The following TMEM232 variants were observed in gnomAD, a reference collection of about 807,000 sequenced individuals.
The protein encoded by TMEM232 is transmembrane protein 232.
In TMEM232, 80 loss-of-function variants were observed where a neutral mutation model predicts 78.8. The observed-to-expected ratio is 1.01, with a 90% CI of 0.85 to 1.22. TMEM232 has a LOEUF of 1.22. TMEM232 is among the 50% of genes most tolerant of loss of function. TMEM232 has a pLI of 0.00. For missense variants in TMEM232, 881 were observed against 742.2 expected (o/e 1.19, Z -2.17); for synonymous variants, 297 against 254.3 (o/e 1.17, Z -1.60).
intron 2 of TMEM232, among the ~76,000 whole-genome samples, chr5:110,653,569 G>A (rs879405461): frequency 1.3e-5 from 2 of 152,112 alleles, no homozygotes; most frequent in Non-Finnish European, 2.9e-5. Flanking sequence ...TGATCACCCA[G>A]AATTTAGAGA....
chr5:110,678,001 T>C (rs967899657), intron 1 of TMEM232, among the ~76,000 whole-genome samples: 3 of 152,160 alleles, frequency 2.0e-5, no homozygotes, highest in Admixed American at 1.3e-4. Flanking sequence ...AATTTTGATA[T>C]TGATATACGT....
At chr5:110,718,435 T>C (rs1351793612) in intron 1 of TMEM232, among the ~76,000 whole-genome samples, 1 of 152,168 alleles carries the variant, frequency 6.6e-6, no homozygotes, top group South Asian at 2.1e-4. Context: ...TTGTATGTGA[T>C]GAGTGAGAAG....
intron 2 of TMEM232, among the ~76,000 whole-genome samples, chr5:110,660,841 C>G (rs1789681981): frequency 6.6e-6 from 1 of 152,092 alleles, no homozygotes; most frequent in South Asian, 2.1e-4. Context: ...GTGTTAGGAA[C>G]ATTGCAATAC....
At chr5:110,497,378 T>A (rs566256206) in intron 12 of TMEM232, among the ~76,000 whole-genome samples, 1 of 152,076 alleles carries the variant, frequency 6.6e-6, no homozygotes, top group African/African-American at 2.4e-5. Flanking sequence ...GGAACTTGAA[T>A]TGAATACAGA....
intron 2 of TMEM232, among the ~76,000 whole-genome samples, chr5:110,643,412 T>G (rs1353029622): frequency 2.0e-5 from 3 of 152,020 alleles, no homozygotes; most frequent in Non-Finnish European, 4.4e-5. Flanking sequence ...ATGAATTAAA[T>G]GGATCCCATA....
intron 1 of TMEM232, among the ~76,000 whole-genome samples, chr5:110,681,854 A>G (rs555983959): frequency 2.0e-5 from 3 of 152,292 alleles, no homozygotes; most frequent in Admixed American, 2.0e-4. Context: ...ATAATTCATA[A>G]CATTTCATTC....
intron 12 of TMEM232, 43 bp from the exon 13 acceptor site, chr5:110,424,959 A>G: frequency 7.6e-7 from 1 of 1,311,630 alleles, no homozygotes; most frequent in African/African-American, 1.5e-5. Context: ...AGGTATAGGT[A>G]CTCCTATTCC....
At chr5:110,591,847 A>T (rs1477615494) in intron 10 of TMEM232, among the ~76,000 whole-genome samples, 1 of 152,182 alleles carries the variant, frequency 6.6e-6, no homozygotes, top group Non-Finnish European at 1.5e-5. Flanking sequence ...CAGTTAAATA[A>T]AGCAGAAGCT....
chr5:110,661,390 C>T (rs945120950), intron 2 of TMEM232, among the ~76,000 whole-genome samples: 44 of 147,516 alleles, frequency 3.0e-4, no homozygotes, highest in African/African-American at 1.1e-3. Context: ...TTGCTCACGG[C>T]AATCTCTACC....
At chr5:110,514,679 C>T (rs1405708366) in intron 12 of TMEM232, among the ~76,000 whole-genome samples, 4 of 151,758 alleles carry the variant, frequency 2.6e-5, no homozygotes, top group Non-Finnish European at 5.9e-5. Flanking sequence ...ATTTTTTTTC[C>T]TTCATGAAAC....
intron 3 of TMEM232, among the ~76,000 whole-genome samples, chr5:110,397,057 C>A (rs944577521): frequency 1.3e-5 from 2 of 152,124 alleles, no homozygotes; most frequent in Non-Finnish European, 2.9e-5. Flanking sequence ...ATTTCCTTTC[C>A]TTTCTCAGAA....
intron 12 of TMEM232, among the ~76,000 whole-genome samples, chr5:110,440,636 T>A (rs921275103): frequency 5.3e-5 from 8 of 152,094 alleles, no homozygotes; most frequent in South Asian, 2.1e-4. Context: ...CTGAAAAAAA[T>A]TTTTGTATGA....
chr5:110,511,577 G>A (rs1767760256), intron 12 of TMEM232, among the ~76,000 whole-genome samples: 1 of 151,516 alleles, frequency 6.6e-6, no homozygotes, highest in Admixed American at 6.6e-5. Flanking sequence ...TAAACTTTTT[G>A]TGCTTACAGT....
chr5:110,469,219 T>C (rs189136326), intron 12 of TMEM232, among the ~76,000 whole-genome samples: 3 of 152,274 alleles, frequency 2.0e-5, no homozygotes, highest in Admixed American at 6.5e-5. Flanking sequence ...TTTTACACCA[T>C]ACCATTTTGG....
intron 3 of TMEM232, among the ~76,000 whole-genome samples, chr5:110,641,721 T>C (rs377373811): frequency 3.3e-5 from 5 of 152,248 alleles, no homozygotes; most frequent in East Asian, 3.9e-4. Flanking sequence ...CAAAGCAAAA[T>C]ATGTATGTTA....
chr5:110,562,665 G>A (rs1357106510), intron 11 of TMEM232, among the ~76,000 whole-genome samples: 2 of 152,004 alleles, frequency 1.3e-5, no homozygotes, highest in East Asian at 3.9e-4. Context: ...TAAAGCTTAT[G>A]TGTAAAGGTT....
chr5:110,458,787 G>A (rs2149350372), intron 12 of TMEM232, among the ~76,000 whole-genome samples: 1 of 152,206 alleles, frequency 6.6e-6, no homozygotes, highest in Admixed American at 6.5e-5. Flanking sequence ...GCAGTTAAGG[G>A]AGTTGAAATG....
chr5:110,605,441 A>G (rs1781430102), intron 9 of TMEM232, 83 bp from the exon 10 acceptor site: 7 of 1,409,084 alleles, frequency 5.0e-6, no homozygotes, highest in Non-Finnish European at 6.6e-6. Context: ...AATAATTGTT[A>G]AAAGACCATA....
At chr5:110,409,273 C>A (rs1755903427) in intron 2 of TMEM232, among the ~76,000 whole-genome samples, 1 of 152,106 alleles carries the variant, frequency 6.6e-6, no homozygotes, top group African/African-American at 2.4e-5. Context: ...ATAGTATAAT[C>A]TTTTTGGAGA....
Sources: gnomAD v4.1 joint callset for allele counts (sites outside exome capture counted in the v4.1 genomes callset) on GRCh38, gnomAD v4.1.1 for gene constraint, MANE v1.5 for transcripts, NCBI Gene and HGNC (gene_info 2026-07-23, HGNC 2026-07-21) for gene names.